SGSM1: variants seen among roughly 807,000 people sequenced by gnomAD.
SGSM1 encodes small G protein signaling modulator 1, also known as RUN and TBC1 domain containing 2.
In SGSM1, 73 loss-of-function variants were observed where a neutral mutation model predicts 133.8. That is an observed-to-expected ratio of 0.55 (90% CI 0.45 to 0.66). The LOEUF is 0.66. Among genes scored for constraint, SGSM1 ranks in the 30% least tolerant of loss-of-function variants. The pLI, the probability that SGSM1 is intolerant of heterozygous loss-of-function variation, is 0.00. For synonymous variants in SGSM1, 563 were observed against 573.0 expected, an observed-to-expected ratio of 0.98 and a Z score of 0.25; for missense variants, 1,213 against 1,448.1, an observed-to-expected ratio of 0.84 and a Z score of 2.64.
chr22:24,842,298 C>G (rs917000447), intron 2 of SGSM1, among the ~76,000 whole-genome samples: 5 of 152,182 alleles, frequency 3.3e-5, no homozygotes, highest in African/African-American at 1.2e-4. Flanking sequence ...GGTCCAAACA[C>G]CAAATCCAGT....
chr22:24,850,169 G>A, intron 4 of SGSM1, 111 bp from the exon 5 acceptor site: 1 of 1,149,668 alleles, frequency 8.7e-7, no homozygotes, highest in Non-Finnish European at 1.2e-6. Context: ...TTCTTGTTTA[G>A]CTGCCATTCC....
chr22:24,879,132 G>T, intron 13 of SGSM1, among the ~76,000 whole-genome samples: 1 of 152,180 alleles, frequency 6.6e-6, no homozygotes, highest in East Asian at 1.9e-4. Context: ...AAGTCCCAGG[G>T]CTAATTCTCA....
intron 15 of SGSM1, among the ~76,000 whole-genome samples, chr22:24,885,399 AT>A (rs200185214): frequency 0.042 from 3,812 of 91,352 alleles, 144 homozygotes; most frequent in African/African-American, 0.14. Context: ...TTTACAACTT[AT>A]TTTTTTTTTT....
At chr22:24,908,814 A>G (rs1283304564) in intron 21 of SGSM1, among the ~76,000 whole-genome samples, 1 of 147,732 alleles carries the variant, frequency 6.8e-6, no homozygotes, top group Non-Finnish European at 1.5e-5. Context: ...AAAAAAAAAA[A>G]GAAAGAAAGA....
intron 4 of SGSM1, among the ~76,000 whole-genome samples, chr22:24,848,741 G>A (rs1930289611): frequency 1.3e-5 from 2 of 152,264 alleles, no homozygotes; most frequent in African/African-American, 4.8e-5. Context: ...GATTGGTCAT[G>A]TCTGTCAAGG....
rs552302554 is a variant in SGSM1, at chr22:24,888,517, C to G, written c.1770+1789C>G. Among the ~76,000 whole-genome samples the G allele has an allele frequency of 1.2e-4, 19 of 152,230 alleles. No individual in the cohort carries two copies. The South Asian group carries it at 3.9e-3, about 32-fold the overall frequency. On this transcript the variant is annotated intron_variant, in intron 16 of 24. Coordinates refer to ENST00000400358, the MANE Select transcript of SGSM1 (RefSeq NM_001098497.3). ...GCACGGTGGCTCACGTCTATAATCCCAGCACTTTGGGAGGCCGAGGCAGGT... is the reference window on the plus strand; with the variant it reads ...GCACGGTGGCTCACGTCTATAATCCGAGCACTTTGGGAGGCCGAGGCAGGT...
intron 2 of SGSM1, among the ~76,000 whole-genome samples, chr22:24,830,177 C>T (rs976501183): frequency 4.6e-5 from 7 of 152,210 alleles, no homozygotes; most frequent in African/African-American, 1.4e-4. Context: ...CTCCTGGCCT[C>T]GGGCTGTCAG....
Position 24,868,425 on chromosome 22 carries a change from G to A in SGSM1, c.1044G>A (p.Arg348=), listed in dbSNP as rs777509776. ...TGGTCAGCCAGGACGGGATCCAGAG[G>A]CCGCCCTTCCGCTTCCCCAAGGGCG... is the stretch of plus-strand genomic sequence containing the variant. ...VVLVSQDGIQ[R]PPFRFPKGGH... is the part of the protein sequence containing the mutation. Residue 348 remains arginine (R), a synonymous_variant, in exon 11 of 25, where the codon AGG becomes AGA. Transcript: ENST00000400358. 17 of 1,613,720 alleles carry A rather than the reference G, an allele frequency of 1.1e-5. No homozygotes were observed. Among genetic ancestry groups the A allele is most frequent in the African/African-American group, 1.3e-5 (1 of 74,908 alleles).
intron 2 of SGSM1, among the ~76,000 whole-genome samples, chr22:24,815,659 G>A (rs1358395929): frequency 6.6e-6 from 1 of 152,178 alleles, no homozygotes; most frequent in Non-Finnish European, 1.5e-5. Context: ...GTAGGAGAAT[G>A]GCGTGAACCT....
At chr22:24,885,220 C>T (rs61620296) in intron 15 of SGSM1, among the ~76,000 whole-genome samples, 1,762 of 152,182 alleles carry the variant, frequency 0.012, 24 homozygotes, top group African/African-American at 0.04. Flanking sequence ...CAGGCGTGAG[C>T]CGCTGCGCCC....
At chr22:24,810,702 G>A (rs1927682860) in intron 2 of SGSM1, among the ~76,000 whole-genome samples, 1 of 152,164 alleles carries the variant, frequency 6.6e-6, no homozygotes, top group South Asian at 2.1e-4. Context: ...GAGACAGGGA[G>A]ATGAGGCAGG....
In SGSM1 at chr22:24,867,075, C is replaced by T; in HGVS notation, c.927-18C>T. ...GTAGGCAGAAGTCCTGCAAGCCTGA[C>T]CCTCCGTCCGCTTCCAGCGTCTACT... On this transcript the variant is annotated intron_variant, in intron 9 of 24. Transcript: ENST00000400358. The T allele has an allele frequency of 6.2e-7, 1 of 1,612,496 alleles. No individual in the cohort carries two copies. The highest frequency in any genetic ancestry group is 8.5e-7 in the Non-Finnish European group (1 of 1,179,450).
At chr22:24,852,155 C>A (rs1314324625) in intron 5 of SGSM1, among the ~76,000 whole-genome samples, 3 of 152,134 alleles carry the variant, frequency 2.0e-5, no homozygotes, top group South Asian at 4.1e-4. Flanking sequence ...TGCCTAACCC[C>A]AATGATAACA....
At chr22:24,919,331 T>C (rs1933927620) in intron 23 of SGSM1, among the ~76,000 whole-genome samples, 1 of 152,138 alleles carries the variant, frequency 6.6e-6, no homozygotes, top group African/African-American at 2.4e-5. Context: ...ATTACAGTCA[T>C]GAGCCACCAT....
chr22:24,866,420 C>T (rs936365350), intron 9 of SGSM1, among the ~76,000 whole-genome samples: 2 of 152,080 alleles, frequency 1.3e-5, no homozygotes, highest in African/African-American at 4.8e-5. Context: ...CACATAGTGG[C>T]CTGGAGTTAG....
rs180867800 is a variant in SGSM1, at chr22:24,877,850, G to A, written c.1430+1135G>A. On this transcript the variant is annotated intron_variant, in intron 13 of 24. Transcript: ENST00000400358. ...TTTTGAGACTGAGTCTCTTTCTGTC[G>A]CCCAGGCTGGAGTGCAATGGCATGA... Among the ~76,000 whole-genome samples, 300 of 110,000 alleles carry A rather than the reference G, an allele frequency of 2.7e-3. 1 individual carries two copies. Among genetic ancestry groups the A allele is most frequent in the African/African-American group, 9.4e-3 (271 of 28,828 alleles). The allele number at this position is 110,000 out of a possible 152,430, so 72.2% of individuals were successfully genotyped here. A position where few individuals can be genotyped will look rare whatever the true frequency, so the allele number is the denominator to read the frequency against.
At chr22:24,844,328 G>A (rs1343641111) in intron 2 of SGSM1, 1 of 152,326 alleles carries the variant, frequency 6.6e-6, no homozygotes, top group African/African-American at 2.4e-5. Context: ...TTGAGGTCAG[G>A]AGTTCAAGAC....
Position 24,855,003 on chromosome 22 carries a change from T to C in SGSM1, c.463T>C (p.Tyr155His). 1.2e-6 allele frequency: 2 copies of C among 1,613,328 alleles called. No homozygotes were observed. Among genetic ancestry groups the C allele is most frequent in the Non-Finnish European group, 8.5e-7 (1 of 1,179,664 alleles). ...HYLVENSSKY[Y>H]EKEALLMDPV... ...ATTCTCTCCTCTTGCTAGTAAATAC[T>C]ATGAGAAGGAAGCTCTCCTGATGGA... The change falls in exon 6 of 25, where the codon TAT becomes CAT. Residue 155 changes from tyrosine (Y) to histidine (H), a missense_variant. By Grantham distance (83) the Tyr-to-His change is moderately conservative (BLOSUM62 2). Transcript: ENST00000400358.
intron 12 of SGSM1, among the ~76,000 whole-genome samples, chr22:24,873,677 C>A (rs1242288894): frequency 6.6e-6 from 1 of 152,064 alleles, no homozygotes; most frequent in Non-Finnish European, 1.5e-5. Context: ...ATGGCAAAAC[C>A]CTATCTCTAC....
Sources: gnomAD v4.1 joint callset for allele counts (sites outside exome capture counted in the v4.1 genomes callset) on GRCh38, gnomAD v4.1.1 for gene constraint, MANE v1.5 for transcripts, NCBI Gene and HGNC (gene_info 2026-07-23, HGNC 2026-07-21) for gene names.